Variants in FYB2 observed in about 807,000 individuals in gnomAD.
FYB2 encodes FYN binding protein 2.
Under a neutral mutation model 94.1 loss-of-function variants are expected in FYB2, and 103 were observed. The ratio of observed to expected loss-of-function variants is 1.09; its 90% confidence interval spans 0.93 to 1.29. The LOEUF (loss-of-function observed/expected upper bound fraction) is 1.29. FYB2 is among the 50% of genes most tolerant of loss of function. The probability of loss-of-function intolerance (pLI) is 0.00; values close to 1 mark genes in which losing one functional copy is unlikely to be tolerated. For synonymous variants in FYB2, 293 were observed against 287.9 expected (o/e 1.02, Z -0.18); for missense variants, 896 against 841.5 (o/e 1.06, Z -0.80).
Position 56,819,373 on chromosome 1 carries a change from T to C in FYB2, c.-83A>G, listed in dbSNP as rs1337975363. 28 of 1,577,910 alleles carry C rather than the reference T, an allele frequency of 1.8e-5. No homozygotes were observed. The highest frequency in any genetic ancestry group is 2.3e-5 in the Non-Finnish European group (27 of 1,149,464). ...GGGGCCAACAATCCGCTTTCCTCTG[T>C]CTCTGCTAGCCAGGGAGCAATCACT... On this transcript the variant is annotated 5_prime_UTR_variant, in exon 1 of 20. Coordinates refer to ENST00000343433, the MANE Select transcript of FYB2 (RefSeq NM_001004303.5).
At chr1:56,801,880 C>T (rs988406892) in intron 1 of FYB2, among the ~76,000 whole-genome samples, 2 of 152,182 alleles carry the variant, frequency 1.3e-5, no homozygotes, top group African/African-American at 4.8e-5. Context: ...GTGCCTAGAA[C>T]TCTAACCTTG....
intron 14 of FYB2, 143 bp from the exon 15 acceptor site, chr1:56,737,290 A>G (rs1325710008): frequency 8.0e-6 from 4 of 501,064 alleles, no homozygotes; most frequent in African/African-American, 6.1e-5. Context: ...AAATACAGAT[A>G]GGCTAGAAGA....
At chr1:56,814,916 G>C (rs1646847302) in intron 1 of FYB2, among the ~76,000 whole-genome samples, 1 of 152,142 alleles carries the variant, frequency 6.6e-6, no homozygotes, top group African/African-American at 2.4e-5. Flanking sequence ...TCAAAAATAA[G>C]CCAGGCGTGA....
rs139385162 is a variant in FYB2, at chr1:56,773,937, T to A, written c.954-5999A>T. ...CAAAGTCCCAAACTGGACAAATTTC[T>A]ATTTCCAGTAAACAAATTAAGAATA... is the stretch of plus-strand genomic sequence containing the variant. On this transcript the variant is annotated intron_variant, in intron 4 of 19. Transcript: ENST00000343433. Among the ~76,000 whole-genome samples, 445 of 152,274 alleles carry A rather than the reference T, an allele frequency of 2.9e-3. 2 individuals are homozygous for A. Among genetic ancestry groups the A allele is most frequent in the African/African-American group, 0.01 (430 of 41,562 alleles).
upstream of FYB2, among the ~76,000 whole-genome samples, chr1:56,821,888 A>C (rs897400178): frequency 6.6e-6 from 1 of 152,174 alleles, no homozygotes; most frequent in Non-Finnish European, 1.5e-5. Context: ...CATTGTGGGG[A>C]AAGTTTTGGA....
intron 16 of FYB2, 139 bp downstream of exon 16, chr1:56,726,358 T>C (rs923826469): frequency 1.2e-5 from 8 of 685,726 alleles, no homozygotes; most frequent in Admixed American, 6.1e-5. Flanking sequence ...AACTGTACCA[T>C]GATGTAGGTG....
At chr1:56,795,668 G>A (rs890770257) in intron 1 of FYB2, among the ~76,000 whole-genome samples, 23 of 151,450 alleles carry the variant, frequency 1.5e-4, no homozygotes, top group African/African-American at 5.6e-4. Flanking sequence ...CCATCCTAAT[G>A]GTTATGAGTT....
intron 9 of FYB2, among the ~76,000 whole-genome samples, chr1:56,749,901 G>A (rs944208223): frequency 6.6e-6 from 1 of 151,950 alleles, no homozygotes; most frequent in African/African-American, 2.4e-5. Context: ...AATCAGTTCT[G>A]TGGTACTTTT....
At chr1:56,784,918 G>T (rs936233225) in intron 4 of FYB2, among the ~76,000 whole-genome samples, 2 of 152,182 alleles carry the variant, frequency 1.3e-5, no homozygotes, top group African/African-American at 4.8e-5. Flanking sequence ...TATTATGCAG[G>T]ATACAGGCCC....
chr1:56,765,777 C>T (rs913022508), intron 5 of FYB2, among the ~76,000 whole-genome samples: 4 of 152,330 alleles, frequency 2.6e-5, no homozygotes, highest in African/African-American at 9.6e-5. Context: ...ATGTCCCTAG[C>T]TGGTCTACCT....
chr1:56,814,173 G>T (rs1646828503), intron 1 of FYB2, among the ~76,000 whole-genome samples: 1 of 152,220 alleles, frequency 6.6e-6, no homozygotes. Context: ...GATGCAGCAG[G>T]CTAGGAAACT....
intron 9 of FYB2, among the ~76,000 whole-genome samples, chr1:56,744,853 G>T (rs1376932745): frequency 3.3e-5 from 5 of 151,950 alleles, no homozygotes; most frequent in Non-Finnish European, 5.9e-5. Flanking sequence ...CCATAAAACT[G>T]CCACCTCTTT....
At chr1:56,748,636 C>T (rs1257425789) in intron 9 of FYB2, among the ~76,000 whole-genome samples, 2 of 151,894 alleles carry the variant, frequency 1.3e-5, no homozygotes, top group Non-Finnish European at 2.9e-5. Flanking sequence ...TCTTTCAAGG[C>T]TAAAGCAAAT....
intron 17 of FYB2, 36 bp from the exon 18 acceptor site, chr1:56,720,365 A>G (rs755215338): frequency 9.1e-6 from 14 of 1,533,642 alleles, no homozygotes; most frequent in East Asian, 2.3e-5. Context: ...CCATTCTTGC[A>G]TAGTTGTTAT....
intron 5 of FYB2, among the ~76,000 whole-genome samples, chr1:56,766,857 C>A (rs143124619): frequency 3.9e-5 from 6 of 152,240 alleles, no homozygotes; most frequent in African/African-American, 1.2e-4. Flanking sequence ...CCTTGAGGTT[C>A]TTGTCTATAC....
intron 8 of FYB2, among the ~76,000 whole-genome samples, chr1:56,751,936 T>C (rs1230065876): frequency 1.3e-5 from 2 of 151,966 alleles, no homozygotes; most frequent in African/African-American, 2.4e-5. Flanking sequence ...GGGAGATGGG[T>C]TAGAGAAGAC....
chr1:56,780,560 C>T (rs573483850), intron 4 of FYB2, among the ~76,000 whole-genome samples: 1 of 152,186 alleles, frequency 6.6e-6, no homozygotes, highest in Non-Finnish European at 1.5e-5. Flanking sequence ...TTGCATCACC[C>T]TGGATGACTT....
Position 56,718,933 on chromosome 1 carries a change from A to G in FYB2, c.*738T>C, listed in dbSNP as rs965296041. On this transcript the variant is annotated 3_prime_UTR_variant, in exon 20 of 20. Transcript: ENST00000343433. ...AGTACATATGAATGCTATTATTTGA[A>G]TAGTTATTTGGGCATAGACAAAATA... 6.6e-6 allele frequency: 1 copy of G among 152,630 alleles called. No individual in the cohort carries two copies. The highest frequency in any genetic ancestry group is 1.5e-5 in the Non-Finnish European group (1 of 68,020). The allele number at this position is 152,630 out of a possible 1,614,324, so 9.5% of individuals were successfully genotyped here. A position where few individuals can be genotyped will look rare whatever the true frequency, so the allele number is the denominator to read the frequency against.
At chr1:56,755,602 C>A (rs1042482265) in intron 7 of FYB2, among the ~76,000 whole-genome samples, 2 of 152,216 alleles carry the variant, frequency 1.3e-5, no homozygotes, top group East Asian at 3.9e-4. Context: ...ATCCTGAAAG[C>A]AATAGCGAGG....
Sources: gnomAD v4.1 joint callset for allele counts (sites outside exome capture counted in the v4.1 genomes callset) on GRCh38, gnomAD v4.1.1 for gene constraint, MANE v1.5 for transcripts, NCBI Gene and HGNC (gene_info 2026-07-23, HGNC 2026-07-21) for gene names.